Variants in SMIM12 observed in about 807,000 individuals in gnomAD.
SMIM12 encodes the protein small integral membrane protein 12, also known as UPF0767 protein C1orf212.
SMIM12 carries 5 observed loss-of-function variants against 6.3 expected under a neutral mutation model. The observed-to-expected ratio is 0.80, with a 90% CI of 0.42 to 1.68. The LOEUF (loss-of-function observed/expected upper bound fraction) is 1.68. Ranked by LOEUF, SMIM12 falls within the 40% of genes most tolerant of loss-of-function variation. The pLI, the probability that SMIM12 is intolerant of heterozygous loss-of-function variation, is 0.02. For synonymous variants in SMIM12, 51 were observed against 48.0 expected, an observed-to-expected ratio of 1.06 and a Z score of -0.26; for missense variants, 103 against 121.4, an observed-to-expected ratio of 0.85 and a Z score of 0.71.
chr1:34,859,010 A>T (rs1638737803), intron 1 of SMIM12: 1 of 152,194 alleles, frequency 6.6e-6, no homozygotes, highest in South Asian at 2.1e-4. Context: ...GTGTAAAATC[A>T]CAACATCCTC....
Position 34,852,312 on chromosome 1 carries a change from T to C in SMIM12, c.*3387A>G, listed in dbSNP as rs1640953210. Among the ~76,000 whole-genome samples, 1 of 152,122 alleles carries C rather than the reference T, an allele frequency of 6.6e-6. No individual in the cohort carries two copies. The highest frequency in any genetic ancestry group is 1.5e-5 in the Non-Finnish European group (1 of 68,016). ...TAAAAGATCTGAAAATCCAAAAATG[T>C]CCATGGGAAATGTGTTTGCTATTAT... On this transcript the variant is annotated 3_prime_UTR_variant, in exon 2 of 2. Transcript: ENST00000521580.
At chr1:34,858,848 C>A (rs1015163894) in intron 1 of SMIM12, 31 of 152,350 alleles carry the variant, frequency 2.0e-4, no homozygotes, top group African/African-American at 7.2e-4. Context: ...ACCCTGTCTG[C>A]GTTTCTCAAG....
chr1:34,858,279 G>A (rs766430309), intron 1 of SMIM12: 1 of 152,182 alleles, frequency 6.6e-6, no homozygotes, highest in Non-Finnish European at 1.5e-5. Context: ...AAGGCTCACA[G>A]ACATTATGTT....
In SMIM12 at chr1:34,855,874, A is replaced by G; in HGVS notation, c.104T>C (p.Ile35Thr). 4 of 1,551,638 alleles carry G rather than the reference A, an allele frequency of 2.6e-6. No homozygotes were observed. The highest frequency in any genetic ancestry group is 3.5e-6 in the Non-Finnish European group (4 of 1,146,994). ...CACGGGCTGGGGGTCCTTTCCCCTG[A>G]TGAACCATTCCAGGTGGTAACCCAC... is the stretch of plus-strand genomic sequence containing the variant. ...GAVGYHLEWF[I>T]RGKDPQPVEE... Residue 35 changes from isoleucine to threonine, a missense_variant, in exon 2 of 2, where the codon ATC becomes ACC. Coordinates refer to ENST00000521580, the MANE Select transcript of SMIM12 (RefSeq NM_138428.6).
Position 34,855,497 on chromosome 1 carries a change from C to A in SMIM12, c.*202G>T. 6.2e-7 allele frequency: 1 copy of A among 1,605,618 alleles called. No individual in the cohort carries two copies. The highest frequency in any genetic ancestry group is 8.5e-7 in the Non-Finnish European group (1 of 1,175,004). On this transcript the variant is annotated 3_prime_UTR_variant, in exon 2 of 2. Transcript: ENST00000521580. ...GCTTGTGGCCACCACACAACAGATG[C>A]GGCCTTCCTCTTCACTGGCCCCTCG...
rs1339141480 is a variant in SMIM12, at chr1:34,852,234, G to C, written c.*3465C>G. 1.3e-5 allele frequency among the ~76,000 whole-genome samples: 2 copies of C among 152,130 alleles called. No individual in the cohort carries two copies. Among genetic ancestry groups the C allele is most frequent in the African/African-American group, 4.8e-5 (2 of 41,434 alleles). ...AGCCACCTGGATTCCCAAAGATAGG[G>C]CTCTCTCGACCAGACACCAAGTGGA... On this transcript the variant is annotated 3_prime_UTR_variant, in exon 2 of 2. Coordinates refer to ENST00000521580, the MANE Select transcript of SMIM12 (RefSeq NM_138428.6).
In SMIM12 at chr1:34,855,298, A is replaced by G. The variant is rs1638604753; in HGVS notation, c.*401T>C. 2.2e-6 allele frequency: 3 copies of G among 1,382,382 alleles called. No homozygotes were observed. Among genetic ancestry groups the G allele is most frequent in the Non-Finnish European group, 2.9e-6 (3 of 1,032,106 alleles). The allele number at this position is 1,382,382 out of a possible 1,614,324, so 85.6% of individuals were successfully genotyped here. Reference sequence around the variant, plus strand: ...GTGAAGGGAGCCAGGTGCATATTTGAATTCTTTCCAGTGCAGACTGGAACT... The same window carrying G: ...GTGAAGGGAGCCAGGTGCATATTTGGATTCTTTCCAGTGCAGACTGGAACT... On this transcript the variant is annotated 3_prime_UTR_variant, in exon 2 of 2. Transcript: ENST00000521580.
intron 1 of SMIM12, among the ~76,000 whole-genome samples, chr1:34,859,271 AAGCCGT>A (rs1638748197): frequency 6.6e-6 from 1 of 152,268 alleles, no homozygotes; most frequent in African/African-American, 2.4e-5. Flanking sequence ...ACGAGGCCAG[AAGCCGT>A]AGTCCCAAAT....
chr1:34,855,156 A>T lies in SMIM12; in HGVS notation c.*543T>A, dbSNP rs779494434. 1.5e-6 allele frequency: 2 copies of T among 1,363,270 alleles called. No individual in the cohort carries two copies. The highest frequency in any genetic ancestry group is 4.6e-5 in the East Asian group (1 of 21,930). 84.4% of individuals were successfully genotyped at this position (1,363,270 alleles called of 1,614,324 possible). ...GAGGCACATGTTCGTCCCTGCCCCA[A>T]AGTGAACAGTCTGGGCTTCCCAGAA... is the stretch of plus-strand genomic sequence containing the variant. On this transcript the variant is annotated 3_prime_UTR_variant, in exon 2 of 2. Transcript: ENST00000521580.
chr1:34,852,240 T>C lies in SMIM12; in HGVS notation c.*3459A>G, dbSNP rs1283528525. Among the ~76,000 whole-genome samples the C allele has an allele frequency of 6.6e-6, 1 of 152,146 alleles. No individual in the cohort carries two copies. The highest frequency in any genetic ancestry group is 1.5e-5 in the Non-Finnish European group (1 of 68,028). ...CTGGATTCCCAAAGATAGGGCTCTC[T>C]CGACCAGACACCAAGTGGAGGCCAA... is the stretch of plus-strand genomic sequence containing the variant. On this transcript the variant is annotated 3_prime_UTR_variant, in exon 2 of 2. Coordinates refer to ENST00000521580, the MANE Select transcript of SMIM12 (RefSeq NM_138428.6).
chr1:34,855,655 C>G lies in SMIM12; in HGVS notation c.*44G>C. ...GGGCTCTGTCAACATGGTAGCAGGA[C>G]AAGTCACCACCCACAGTAGGACCAT... On this transcript the variant is annotated 3_prime_UTR_variant, in exon 2 of 2. Coordinates refer to ENST00000521580, the MANE Select transcript of SMIM12 (RefSeq NM_138428.6). 6.2e-7 allele frequency: 1 copy of G among 1,613,856 alleles called. No individual in the cohort carries two copies.
chr1:34,855,193 T>C lies in SMIM12; in HGVS notation c.*506A>G. The C allele has an allele frequency of 7.3e-7, 1 of 1,368,280 alleles. No homozygotes were observed. The highest frequency in any genetic ancestry group is 9.8e-7 in the Non-Finnish European group (1 of 1,022,270). The allele number at this position is 1,368,280 out of a possible 1,614,324, so 84.8% of individuals were successfully genotyped here. A position where few individuals can be genotyped will look rare whatever the true frequency, so the allele number is the denominator to read the frequency against. ...TGGGCTTCCCAGAACAGAAAAGTGCTTTCCTTCCTGGGGGAATCCCATTCC... is the reference window on the plus strand; with the variant it reads ...TGGGCTTCCCAGAACAGAAAAGTGCCTTCCTTCCTGGGGGAATCCCATTCC... On this transcript the variant is annotated 3_prime_UTR_variant, in exon 2 of 2. Coordinates refer to ENST00000521580, the MANE Select transcript of SMIM12 (RefSeq NM_138428.6).
At position 34,855,179 on chromosome 1, in the gene SMIM12, G is replaced by A. The variant is rs1283753305; in HGVS notation, c.*520C>T. 1 of 1,367,948 alleles carries A rather than the reference G, an allele frequency of 7.3e-7. No homozygotes were observed. The allele number at this position is 1,367,948 out of a possible 1,614,324, so 84.7% of individuals were successfully genotyped here. ...CAAAGTGAACAGTCTGGGCTTCCCA[G>A]AACAGAAAAGTGCTTTCCTTCCTGG... is the stretch of plus-strand genomic sequence containing the variant. On this transcript the variant is annotated 3_prime_UTR_variant, in exon 2 of 2. Transcript: ENST00000521580.
In SMIM12 at chr1:34,854,842, A is replaced by AGG. The variant is rs1638588130; in HGVS notation, c.*855_*856dup. On this transcript the variant is annotated 3_prime_UTR_variant, in exon 2 of 2. Transcript: ENST00000521580. ...GAGGTCTACCTCCATTTAGACTTGA[A>AGG]GGTGCTGCAGCCAATTGTAATAATG... The AGG allele has an allele frequency of 4.8e-6, 1 of 209,470 alleles. No homozygotes were observed. Among genetic ancestry groups the AGG allele is most frequent in the African/African-American group, 2.3e-5 (1 of 42,688 alleles). 13.0% of individuals were successfully genotyped at this position (209,470 alleles called of 1,614,324 possible).
chr1:34,852,819 T>C lies in SMIM12; in HGVS notation c.*2880A>G, dbSNP rs1358066768. The C allele has an allele frequency of 6.6e-6, 1 of 152,450 alleles. No individual in the cohort carries two copies. Among genetic ancestry groups the C allele is most frequent in the Non-Finnish European group, 1.5e-5 (1 of 68,036 alleles). The allele number at this position is 152,450 out of a possible 1,614,324, so 9.4% of individuals were successfully genotyped here. Reference sequence around the variant, plus strand: ...ACTTTCTGCCAGCGTGGTGGCTCATTTGTCACCTGACCTCTGTCAGCACTA... The same window carrying C: ...ACTTTCTGCCAGCGTGGTGGCTCATCTGTCACCTGACCTCTGTCAGCACTA... On this transcript the variant is annotated 3_prime_UTR_variant, in exon 2 of 2. Coordinates refer to ENST00000521580, the MANE Select transcript of SMIM12 (RefSeq NM_138428.6).
chr1:34,855,054 C>T lies in SMIM12; in HGVS notation c.*645G>A. On this transcript the variant is annotated 3_prime_UTR_variant, in exon 2 of 2. Coordinates refer to ENST00000521580, the MANE Select transcript of SMIM12 (RefSeq NM_138428.6). ...GATAAGATTCGATCATTATGGTTCTCAGATACCACTTTAATCAGGTTTTTC... is the reference window on the plus strand; with the variant it reads ...GATAAGATTCGATCATTATGGTTCTTAGATACCACTTTAATCAGGTTTTTC... 1 of 1,274,026 alleles carries T rather than the reference C, an allele frequency of 7.8e-7. No individual in the cohort carries two copies. 78.9% of individuals were successfully genotyped at this position (1,274,026 alleles called of 1,614,324 possible).
chr1:34,859,298 C>T (rs1277580792), intron 1 of SMIM12, among the ~76,000 whole-genome samples: 1 of 152,258 alleles, frequency 6.6e-6, no homozygotes. Context: ...TCAAGAACTA[C>T]TAACAAGGAC....
Position 34,854,215 on chromosome 1 carries a change from G to A in SMIM12, c.*1484C>T, listed in dbSNP as rs1638565745. On this transcript the variant is annotated 3_prime_UTR_variant, in exon 2 of 2. Transcript: ENST00000521580. The stretch of plus-strand genomic sequence containing the variant: ...CCCAGCTACTTAGGAAGCTGAGGTA[G>A]GAGAATCGCTTGAACCCAGGAGGCA... The A allele has an allele frequency of 6.6e-6, 1 of 152,162 alleles. No individual in the cohort carries two copies. Among genetic ancestry groups the A allele is most frequent in the South Asian group, 2.1e-4 (1 of 4,830 alleles). 9.4% of individuals were successfully genotyped at this position (152,162 alleles called of 1,614,324 possible).
chr1:34,858,479 G>A (rs1002365309), intron 1 of SMIM12: 5 of 152,202 alleles, frequency 3.3e-5, no homozygotes, highest in African/African-American at 9.7e-5. Flanking sequence ...TTACCTAGAA[G>A]AGCTTTCCTT....
Sources: gnomAD v4.1 joint callset for allele counts (sites outside exome capture counted in the v4.1 genomes callset) on GRCh38, gnomAD v4.1.1 for gene constraint, MANE v1.5 for transcripts, NCBI Gene and HGNC (gene_info 2026-07-23, HGNC 2026-07-21) for gene names.